The following MFN2 variants were observed in gnomAD, a reference collection of about 807,000 sequenced individuals.
The protein encoded by MFN2 is mitofusin 2.
MFN2 carries 43 observed loss-of-function variants against 87.5 expected under a neutral mutation model. That is an observed-to-expected ratio of 0.49 (90% CI 0.38 to 0.63). MFN2 has a LOEUF of 0.63. Among genes scored for constraint, MFN2 ranks in the 30% least tolerant of loss-of-function variants. MFN2 has a pLI of 0.00. For missense variants in MFN2, 743 were observed against 972.8 expected (o/e 0.76, Z 3.14); for synonymous variants, 337 against 359.9 (o/e 0.94, Z 0.72).
intron 4 of MFN2, among the ~76,000 whole-genome samples, chr1:11,994,025 G>T (rs146217248): frequency 1.3e-5 from 2 of 152,132 alleles, no homozygotes; most frequent in African/African-American, 4.8e-5. Context: ...GTAGTCAAAG[G>T]TGTGCACATT....
rs193270785 is a variant in MFN2 at position 11,990,888 on chromosome 1, G to A, written c.175+1545G>A. Among the ~76,000 whole-genome samples the A allele has an allele frequency of 1.7e-3, 257 of 152,302 alleles. 1 individual carries two copies. Among genetic ancestry groups the A allele is most frequent in the Non-Finnish European group, 2.7e-3 (181 of 68,020 alleles). On this transcript the variant is annotated intron_variant, in intron 3 of 18. Transcript: ENST00000235329. ...TGGACATAGCGGGAGGGGAGATGGGGGTGTTGTTGACTTGGTCATTTCCTT... is the reference window on the plus strand; with the variant it reads ...TGGACATAGCGGGAGGGGAGATGGGAGTGTTGTTGACTTGGTCATTTCCTT...
chr1:12,001,235 A>C (rs888386759), intron 8 of MFN2, among the ~76,000 whole-genome samples, 166 bp from the exon 9 acceptor site: 1 of 151,194 alleles, frequency 6.6e-6, no homozygotes, highest in Non-Finnish European at 1.5e-5. Flanking sequence ...CTGGTCTTGA[A>C]CTCCCGACCT....
intron 2 of MFN2, among the ~76,000 whole-genome samples, chr1:11,984,203 A>C (rs1201055717): frequency 6.6e-6 from 1 of 152,222 alleles, no homozygotes; most frequent in Non-Finnish European, 1.5e-5. Flanking sequence ...TTCTGATGGC[A>C]GGGAACTTGC....
At chr1:11,984,456 G>A (rs1197575452) in intron 2 of MFN2, among the ~76,000 whole-genome samples, 2 of 152,206 alleles carry the variant, frequency 1.3e-5, no homozygotes, top group Non-Finnish European at 2.9e-5. Context: ...AGTGAAGCAT[G>A]TTGCTTGCGT....
At chr1:11,990,543 A>G (rs111814066) in intron 3 of MFN2, among the ~76,000 whole-genome samples, 2 of 152,202 alleles carry the variant, frequency 1.3e-5, no homozygotes, top group Non-Finnish European at 1.5e-5. Flanking sequence ...GTGGTGGACA[A>G]ACACATGCGT....
intron 4 of MFN2, 30 bp from the exon 5 acceptor site, chr1:11,996,126 G>T: frequency 6.2e-7 from 1 of 1,614,028 alleles, no homozygotes; most frequent in Non-Finnish European, 8.5e-7. Flanking sequence ...GATACTGGTG[G>T]CTTTGCTGAC....
rs978782506 is a variant in MFN2, at chr1:12,001,383, C to T, written c.817-18C>T. 1 of 1,612,928 alleles carries T rather than the reference C, an allele frequency of 6.2e-7. No individual in the cohort carries two copies. The highest frequency in any genetic ancestry group is 1.7e-5 in the Admixed American group (1 of 59,940). On this transcript the variant is annotated intron_variant, in intron 8 of 18. Coordinates refer to ENST00000235329, the MANE Select transcript of MFN2 (RefSeq NM_014874.4). Reference sequence around the variant, plus strand: ...GGGCCACCTACACTCACTCTGGACACATTTGTTTGGGCTCCAGGTGCGGCG... The same window carrying T: ...GGGCCACCTACACTCACTCTGGACATATTTGTTTGGGCTCCAGGTGCGGCG...
chr1:11,981,078 C>G (rs996873129), intron 1 of MFN2, among the ~76,000 whole-genome samples: 1 of 152,208 alleles, frequency 6.6e-6, no homozygotes, highest in African/African-American at 2.4e-5. Flanking sequence ...TTTAAATTCT[C>G]AATCATCTCT....
intron 2 of MFN2, among the ~76,000 whole-genome samples, chr1:11,988,207 A>G (rs1347135218): frequency 2.0e-5 from 3 of 151,420 alleles, no homozygotes; most frequent in African/African-American, 4.9e-5. Flanking sequence ...GGTTCAAGCA[A>G]TTCTCTGCCT....
rs551897356 is a variant in MFN2 at position 11,993,612 on chromosome 1, G to A, written c.311+922G>A. Among the ~76,000 whole-genome samples the A allele has an allele frequency of 3.3e-5, 5 of 152,078 alleles. No individual in the cohort carries two copies. In the East Asian group the frequency reaches 9.7e-4, roughly 29 times the overall value. ...TAGCCGGGTGAGGTGGCGGGCGCCT[G>A]TAGTCCCAGCTACTTGGGAGGCTAG... On this transcript the variant is annotated intron_variant, in intron 4 of 18. Coordinates refer to ENST00000235329, the MANE Select transcript of MFN2 (RefSeq NM_014874.4).
chr1:12,009,257 T>G (rs908807177), intron 17 of MFN2, among the ~76,000 whole-genome samples: 1 of 152,058 alleles, frequency 6.6e-6, no homozygotes, highest in African/African-American at 2.4e-5. Context: ...GCCATCTCCT[T>G]TTTCAAAATC....
chr1:12,009,507 G>A, intron 17 of MFN2, 85 bp from the exon 18 acceptor site: 1 of 1,589,826 alleles, frequency 6.3e-7, no homozygotes, highest in Non-Finnish European at 8.6e-7. Flanking sequence ...GACAGGCCCA[G>A]CTGCTCCCTA....
In MFN2 at chr1:11,996,247, C is replaced by CG. The variant is rs759844257; in HGVS notation, c.406dup (p.Val136GlyfsTer8). ...TGGCCACACCACCAATTGCTTCCTG[C>CG]GGGTAGAGGGCACAGATGGCCATGA... On this transcript the variant is annotated frameshift_variant, in exon 5 of 19. Transcript: ENST00000235329. LOFTEE classifies it high-confidence loss of function. 2 of 1,614,160 alleles carry CG rather than the reference C, an allele frequency of 1.2e-6. No homozygotes were observed.
Position 12,003,630 on chromosome 1 carries a change from C to G in MFN2, c.1161-362C>G, listed in dbSNP as rs1004202844. ...AGTGAGTGGAGATCGTGCCATTGCA[C>G]TCCAGCCTGGGCAACAAGAGTGAAA... On this transcript the variant is annotated intron_variant, in intron 11 of 18. Coordinates refer to ENST00000235329, the MANE Select transcript of MFN2 (RefSeq NM_014874.4). This position sits in a 1 kb window ranked among gnomAD's most constrained non-coding sequence, Gnocchi z 4.1. Among the ~76,000 whole-genome samples, 4 of 151,088 alleles carry G rather than the reference C, an allele frequency of 2.6e-5. No homozygotes were observed. The highest frequency in any genetic ancestry group is 6.6e-5 in the Admixed American group (1 of 15,184).
intron 2 of MFN2, among the ~76,000 whole-genome samples, chr1:11,985,891 C>A (rs140089149): frequency 6.6e-6 from 1 of 152,224 alleles, no homozygotes; most frequent in African/African-American, 2.4e-5. Context: ...TCCTTTGCTG[C>A]TTTGGAAGAG....
rs987333007 is a variant in MFN2 at position 12,003,221 on chromosome 1, T to G, written c.1161-771T>G. On this transcript the variant is annotated intron_variant, in intron 11 of 18. Transcript: ENST00000235329. The surrounding 1 kb of genome is among the most constrained non-coding windows in gnomAD (Gnocchi z 4.1). ...TTTTAGGGTACACGCGTTTCCAGTT[T>G]TAGTCAGTTTTCTTGATGCTCTTCA... Among the ~76,000 whole-genome samples the G allele has an allele frequency of 4.6e-5, 7 of 151,244 alleles. No individual in the cohort carries two copies. Among genetic ancestry groups the G allele is most frequent in the Non-Finnish European group, 8.9e-5 (6 of 67,760 alleles).
intron 17 of MFN2, 112 bp downstream of exon 17, chr1:12,007,361 T>G: frequency 7.5e-7 from 1 of 1,329,738 alleles, no homozygotes; most frequent in Non-Finnish European, 1.1e-6. Flanking sequence ...GTCCTAAGCA[T>G]CGTAGACCCT....
chr1:12,002,122 A>C lies in MFN2; in HGVS notation c.1160+19A>C, dbSNP rs371139883. The C allele has an allele frequency of 6.2e-7, 1 of 1,614,102 alleles. No individual in the cohort carries two copies. Among genetic ancestry groups the C allele is most frequent in the Non-Finnish European group, 8.5e-7 (1 of 1,179,974 alleles). On this transcript the variant is annotated intron_variant, in intron 11 of 18. Coordinates refer to ENST00000235329, the MANE Select transcript of MFN2 (RefSeq NM_014874.4). ...AGCAGCAGTAAGAGTCCAAGACTGC[A>C]GATAGGTGGAGAGAGCTGCCGAGAC...
At position 12,004,850 on chromosome 1, in the gene MFN2, G is replaced by A. The variant is rs542858566; in HGVS notation, c.1418G>A (p.Gly473Glu). 3 of 1,613,978 alleles carry A rather than the reference G, an allele frequency of 1.9e-6. No individual in the cohort carries two copies. Among genetic ancestry groups the A allele is most frequent in the Non-Finnish European group, 2.5e-6 (3 of 1,179,944 alleles). ...KNELHRHIEE[G>E]LGRNMSDRCS... Reference sequence around the variant, plus strand: ...GAGCTGCACCGCCACATAGAGGAAGGACTGGGTCGAAACATGTCTGACCGC... The same window carrying A: ...GAGCTGCACCGCCACATAGAGGAAGAACTGGGTCGAAACATGTCTGACCGC... Residue 473 changes from glycine to glutamate, a missense_variant, in exon 14 of 19, where the codon GGA (glycine) becomes GAA (glutamate). Physicochemically the swap from Gly to Glu is moderately conservative, Grantham distance 98 (BLOSUM62 -2). This residue lies in a region of MFN2 where 571 missense variants were observed against 670.7 expected (regional missense o/e 0.85). Coordinates refer to ENST00000235329, the MANE Select transcript of MFN2 (RefSeq NM_014874.4). This position sits in a 1 kb window ranked among gnomAD's most constrained non-coding sequence, Gnocchi z 4.2.
Sources: allele counts gnomAD v4.1 joint callset (sites outside exome capture counted in the v4.1 genomes callset), GRCh38; gene constraint gnomAD v4.1.1; regional missense constraint gnomAD v4.1.1; non-coding constraint Gnocchi (gnomAD v3.1); transcripts MANE v1.5; gene names NCBI Gene and HGNC (gene_info 2026-07-23, HGNC 2026-07-21).